The following PRKCB variants were observed in gnomAD, a reference collection of about 807,000 sequenced individuals.
The protein encoded by PRKCB is protein kinase C beta, also known as protein kinase C beta type.
Under a neutral mutation model 81.5 loss-of-function variants are expected in PRKCB, and 13 were observed. That is an observed-to-expected ratio of 0.16 (90% confidence interval 0.10 to 0.25). The LOEUF (loss-of-function observed/expected upper bound fraction) is 0.25. PRKCB is among the 10% of genes least tolerant of loss of function. The pLI is 1.00. For synonymous variants in PRKCB, 335 were observed against 321.4 expected (o/e 1.04, Z -0.45); for missense variants, 509 against 875.7 (o/e 0.58, Z 5.29).
At chr16:24,044,365 AAAAAG>A (rs1483249382) in intron 5 of PRKCB, among the ~76,000 whole-genome samples, 5 of 152,200 alleles carry the variant, frequency 3.3e-5, no homozygotes, top group African/African-American at 7.2e-5. Flanking sequence ...CTGTCTCAAA[AAAAAG>A]AAAAGAAAAG....
intron 2 of PRKCB, among the ~76,000 whole-genome samples, chr16:23,972,066 A>G (rs1181793284): frequency 6.6e-6 from 1 of 152,240 alleles, no homozygotes; most frequent in African/African-American, 2.4e-5. Flanking sequence ...GGATAAGCAA[A>G]CTTTAGAATA....
intron 2 of PRKCB, among the ~76,000 whole-genome samples, chr16:23,887,251 A>G (rs1004969044): frequency 1.3e-5 from 2 of 152,176 alleles, no homozygotes; most frequent in African/African-American, 2.4e-5. Flanking sequence ...AGTTTGTCAC[A>G]TGGGTATATT....
chr16:24,006,835 A>G (rs764708), intron 3 of PRKCB, among the ~76,000 whole-genome samples: 48,921 of 138,380 alleles, frequency 0.35, 8,248 homozygotes, highest in African/African-American at 0.51. Context: ...TACGGGGAGC[A>G]GGGGGTGGGG....
At chr16:24,035,655 C>A (rs982779517) in intron 5 of PRKCB, 108 bp downstream of exon 5, 1 of 1,117,218 alleles carries the variant, frequency 9.0e-7, no homozygotes, top group Non-Finnish European at 1.2e-6. Context: ...GTGGGGCAGT[C>A]CAGGGACGGG....
At chr16:23,965,593 C>T (rs988964759) in intron 2 of PRKCB, among the ~76,000 whole-genome samples, 6 of 152,288 alleles carry the variant, frequency 3.9e-5, no homozygotes, top group Admixed American at 2.0e-4. Flanking sequence ...AAAATTAGAT[C>T]GGCCGCATTG....
At chr16:23,914,722 T>C (rs550176217) in intron 2 of PRKCB, among the ~76,000 whole-genome samples, 1 of 152,290 alleles carries the variant, frequency 6.6e-6, no homozygotes, top group South Asian at 2.1e-4. Context: ...CCACAGCTCT[T>C]GTGCCCAATC....
At chr16:23,843,839 A>G (rs894309768) in intron 2 of PRKCB, among the ~76,000 whole-genome samples, 2 of 149,128 alleles carry the variant, frequency 1.3e-5, no homozygotes, top group African/African-American at 2.5e-5. Context: ...GAAGAAGGCA[A>G]TTGGTCAAAA....
intron 2 of PRKCB, among the ~76,000 whole-genome samples, chr16:23,966,628 T>A (rs196009): frequency 0.48 from 73,338 of 152,032 alleles, 18,299 homozygotes; most frequent in Admixed American, 0.56. Flanking sequence ...TTTAAATCCC[T>A]TTAAGTTGGG....
chr16:23,848,060 C>T (rs943301081), intron 2 of PRKCB, among the ~76,000 whole-genome samples: 5 of 151,954 alleles, frequency 3.3e-5, no homozygotes, highest in South Asian at 2.1e-4. Context: ...GACAGGACAA[C>T]GCAGTTGAGA....
chr16:24,064,227 TC>T, intron 5 of PRKCB, among the ~76,000 whole-genome samples: 1 of 152,256 alleles, frequency 6.6e-6, no homozygotes, highest in Non-Finnish European at 1.5e-5. Context: ...TAATTTGGTG[TC>T]CCTTTTCTAA....
intron 2 of PRKCB, among the ~76,000 whole-genome samples, chr16:23,928,666 G>T (rs1187640198): frequency 1.3e-5 from 2 of 151,990 alleles, no homozygotes; most frequent in African/African-American, 4.8e-5. Context: ...GGGGACTGGG[G>T]AGGGCTTCCT....
At chr16:24,174,331 C>T (rs1228495514) in intron 11 of PRKCB, 187 bp from the exon 12 acceptor site, 14 of 567,848 alleles carry the variant, frequency 2.5e-5, no homozygotes, top group Non-Finnish European at 3.8e-5. Flanking sequence ...TTAAGGCAAC[C>T]CCATCACCCT....
At chr16:24,074,490 A>T (rs1023646181) in intron 5 of PRKCB, among the ~76,000 whole-genome samples, 5 of 152,260 alleles carry the variant, frequency 3.3e-5, no homozygotes, top group Middle Eastern at 3.2e-3. Flanking sequence ...CAGTCCTTAG[A>T]ATAGTGCTTG....
rs537991348 is a variant in PRKCB at position 24,017,598 on chromosome 16, T to C, written c.289-14538T>C. Among the ~76,000 whole-genome samples, 89 of 152,340 alleles carry C rather than the reference T, an allele frequency of 5.8e-4. 1 individual carries two copies. The highest frequency in any genetic ancestry group is 2.1e-3 in the African/African-American group (87 of 41,576). Reference sequence around the variant, plus strand: ...AATGAGAAACTGGGAAAACATTTACTGCATATATCATAGGTGAAGGGTTAA... The same window carrying C: ...AATGAGAAACTGGGAAAACATTTACCGCATATATCATAGGTGAAGGGTTAA... On this transcript the variant is annotated intron_variant, in intron 3 of 16. Coordinates refer to ENST00000643927, the MANE Select transcript of PRKCB (RefSeq NM_002738.7).
chr16:24,004,698 A>G (rs1456396871), intron 3 of PRKCB, among the ~76,000 whole-genome samples: 1 of 152,024 alleles, frequency 6.6e-6, no homozygotes, highest in Non-Finnish European at 1.5e-5. Flanking sequence ...GGAAGGAGAA[A>G]ACATGAACTC....
chr16:24,063,852 A>G (rs189886561), intron 5 of PRKCB, among the ~76,000 whole-genome samples: 1 of 152,230 alleles, frequency 6.6e-6, no homozygotes. Context: ...TTGTGGTGGC[A>G]AAAAGCTAAT....
At position 23,894,682 on chromosome 16, in the gene PRKCB, A is replaced by G. The variant is rs568395590; in HGVS notation, c.205+57276A>G. 2.6e-5 allele frequency among the ~76,000 whole-genome samples: 4 copies of G among 152,342 alleles called. No individual in the cohort carries two copies. In the East Asian group the frequency reaches 7.7e-4, roughly 29 times the overall value. On this transcript the variant is annotated intron_variant, in intron 2 of 16. Transcript: ENST00000643927. ...AACCCAGAGAATTGTGAGGGAAAAG[A>G]ATATTTTTTTAAGGCAGAAGAAAAA... is the stretch of plus-strand genomic sequence containing the variant.
In PRKCB at chr16:24,215,779, A is replaced by G. The variant is rs1968218673; in HGVS notation, c.*963A>G. On this transcript the variant is annotated 3_prime_UTR_variant, in exon 17 of 17. Transcript: ENST00000643927. Reference sequence around the variant, plus strand: ...GACGGCTGCGGAGCCTAGCAGACTCAGGCCTGTGGGAATGGGATTTGTTAC... The same window carrying G: ...GACGGCTGCGGAGCCTAGCAGACTCGGGCCTGTGGGAATGGGATTTGTTAC... The G allele has an allele frequency of 4.1e-6, 4 of 985,850 alleles. No individual in the cohort carries two copies. Among genetic ancestry groups the G allele is most frequent in the Non-Finnish European group, 3.6e-6 (3 of 829,930 alleles). The allele number at this position is 985,850 out of a possible 1,614,324, so 61.1% of individuals were successfully genotyped here.
chr16:24,053,543 G>A (rs1965867011), intron 5 of PRKCB, among the ~76,000 whole-genome samples: 1 of 152,158 alleles, frequency 6.6e-6, no homozygotes, highest in African/African-American at 2.4e-5. Context: ...AGTAAAATAC[G>A]AACAGTAAGC....
Sources: gnomAD v4.1 joint callset for allele counts (sites outside exome capture counted in the v4.1 genomes callset) on GRCh38, gnomAD v4.1.1 for gene constraint, MANE v1.5 for transcripts, NCBI Gene and HGNC (gene_info 2026-07-23, HGNC 2026-07-21) for gene names.